Variants in PARD3B observed in about 807,000 individuals in gnomAD.
The protein encoded by PARD3B is partitioning defective 3 homolog B.
Under a neutral mutation model 130.2 loss-of-function variants are expected in PARD3B, and 103 were observed. The observed-to-expected ratio is 0.79, with a 90% CI of 0.67 to 0.93. PARD3B has a LOEUF of 0.93. Ranked by LOEUF, PARD3B falls within the 40% of genes least tolerant of loss-of-function variation. PARD3B has a pLI of 0.00. For synonymous variants in PARD3B, 583 were observed against 553.2 expected, an observed-to-expected ratio of 1.05 and a Z score of -0.76; for missense variants, 1,609 against 1,499.2, an observed-to-expected ratio of 1.07 and a Z score of -1.21.
In PARD3B at chr2:205,557,478, C is replaced by G. The variant is rs956084603; in HGVS notation, c.3260+4075C>G. On this transcript the variant is annotated intron_variant, in intron 22 of 22. Transcript: ENST00000406610. ...GCTCCTGCAGCTCAGAGTCCTGCAT[C>G]TTAGCTCACACACGCTTCCCAAGGG... 5.9e-5 allele frequency among the ~76,000 whole-genome samples: 9 copies of G among 152,186 alleles called. 1 individual carries two copies. Among genetic ancestry groups the G allele is most frequent in the African/African-American group, 1.4e-4 (6 of 41,456 alleles).
intron 2 of PARD3B, among the ~76,000 whole-genome samples, chr2:204,955,298 A>C (rs1690139786): frequency 6.6e-6 from 1 of 152,240 alleles, no homozygotes; most frequent in African/African-American, 2.4e-5. Flanking sequence ...TATGTAGTCC[A>C]CCAGGAGACA....
intron 21 of PARD3B, among the ~76,000 whole-genome samples, chr2:205,538,698 T>G (rs568374561): frequency 6.6e-6 from 1 of 152,186 alleles, no homozygotes; most frequent in Non-Finnish European, 1.5e-5. Context: ...GAAGCTTCCG[T>G]TAGCTCTGTA....
chr2:205,031,185 A>G (rs1697395589), intron 3 of PARD3B, among the ~76,000 whole-genome samples: 1 of 152,206 alleles, frequency 6.6e-6, no homozygotes, highest in Admixed American at 6.5e-5. Context: ...TCACTGGCAT[A>G]TCTGAGAATT....
intron 3 of PARD3B, among the ~76,000 whole-genome samples, chr2:204,996,236 T>C (rs1231780177): frequency 1.4e-5 from 2 of 144,908 alleles, no homozygotes; most frequent in African/African-American, 2.6e-5. Context: ...TCTTTGATGA[T>C]GGTGATGTAC....
intron 15 of PARD3B, among the ~76,000 whole-genome samples, chr2:205,199,790 C>T (rs1474204004): frequency 6.6e-6 from 1 of 152,066 alleles, no homozygotes; most frequent in East Asian, 1.9e-4. Flanking sequence ...AGACAATTTA[C>T]ATCCCTGTGC....
chr2:205,409,502 G>T (rs2046525032), intron 19 of PARD3B, among the ~76,000 whole-genome samples: 1 of 152,100 alleles, frequency 6.6e-6, no homozygotes, highest in Admixed American at 6.6e-5. Flanking sequence ...GCACATTACT[G>T]TATTTCTATA....
intron 1 of PARD3B, among the ~76,000 whole-genome samples, chr2:204,614,642 G>A (rs574625496): frequency 1.3e-5 from 2 of 152,272 alleles, no homozygotes; most frequent in East Asian, 1.9e-4. Context: ...GGTGGGGCCT[G>A]TTGGGGGATA....
intron 22 of PARD3B, among the ~76,000 whole-genome samples, chr2:205,579,820 CTTTT>C (rs1269139169): frequency 6.6e-6 from 1 of 152,126 alleles, no homozygotes; most frequent in Non-Finnish European, 1.5e-5. Flanking sequence ...CTGCACTATT[CTTTT>C]TTAATTTTTG....
At chr2:204,718,898 A>G (rs2038865207) in intron 2 of PARD3B, among the ~76,000 whole-genome samples, 1 of 152,188 alleles carries the variant, frequency 6.6e-6, no homozygotes, top group Non-Finnish European at 1.5e-5. Flanking sequence ...AGGTAATAAC[A>G]CATATATGTA....
At chr2:205,566,590 T>C (rs562499657) in intron 22 of PARD3B, among the ~76,000 whole-genome samples, 3 of 152,190 alleles carry the variant, frequency 2.0e-5, no homozygotes, top group South Asian at 4.2e-4. Flanking sequence ...CTTTGGGACA[T>C]GTTAGATTTG....
chr2:205,612,210 C>T (rs1310880063), intron 22 of PARD3B, among the ~76,000 whole-genome samples: 3 of 152,096 alleles, frequency 2.0e-5, no homozygotes, highest in South Asian at 2.1e-4. Flanking sequence ...TGGAGTGTAG[C>T]GGCACAATCT....
chr2:204,823,202 A>G (rs7588967), intron 2 of PARD3B, among the ~76,000 whole-genome samples: 2,163 of 152,244 alleles, frequency 0.014, 59 homozygotes, highest in African/African-American at 0.049. Flanking sequence ...AAGAACAAAG[A>G]AAAAGGGTGT....
chr2:205,104,077 T>G (rs1360043885), intron 4 of PARD3B, among the ~76,000 whole-genome samples: 1 of 152,178 alleles, frequency 6.6e-6, no homozygotes, highest in Admixed American at 6.5e-5. Context: ...GGCTAATATA[T>G]CACCATCTGT....
intron 1 of PARD3B, among the ~76,000 whole-genome samples, chr2:204,607,890 G>T (rs73984246): frequency 0.014 from 2,195 of 152,232 alleles, 67 homozygotes; most frequent in East Asian, 0.12. Flanking sequence ...CATGTAAATT[G>T]TAATCCTGTT....
At chr2:205,362,166 G>A (rs2044413573) in intron 18 of PARD3B, among the ~76,000 whole-genome samples, 1 of 152,134 alleles carries the variant, frequency 6.6e-6, no homozygotes. Flanking sequence ...AGTCACTGCT[G>A]ACTCAGATGT....
intron 2 of PARD3B, among the ~76,000 whole-genome samples, chr2:204,961,910 T>G (rs2125847541): frequency 6.6e-6 from 1 of 152,166 alleles, no homozygotes; most frequent in Admixed American, 6.6e-5. Flanking sequence ...AGTGGCTTCA[T>G]TAAAGAATGG....
intron 2 of PARD3B, among the ~76,000 whole-genome samples, chr2:204,805,992 C>T (rs2042754490): frequency 6.6e-6 from 1 of 151,860 alleles, no homozygotes; most frequent in Admixed American, 6.6e-5. Context: ...TTGAAGAGGA[C>T]ACAAAAAATG....
intron 2 of PARD3B, among the ~76,000 whole-genome samples, chr2:204,751,305 C>A (rs1301422229): frequency 2.0e-5 from 3 of 152,078 alleles, no homozygotes; most frequent in African/African-American, 7.2e-5. Flanking sequence ...GGGAGGTTTC[C>A]TTTAAAGAAA....
At position 205,281,963 on chromosome 2, in the gene PARD3B, G is replaced by T. The variant is rs1279923146; in HGVS notation, c.2186-18567G>T. 6.6e-6 allele frequency among the ~76,000 whole-genome samples: 1 copy of T among 152,066 alleles called. No individual in the cohort carries two copies. Among genetic ancestry groups the T allele is most frequent in the Non-Finnish European group, 1.5e-5 (1 of 67,986 alleles). ...CACATCAGTAGCTTTTGTTCACTTT[G>T]TTGAAAATTTCCCATTCGTTTTCTA... On this transcript the variant is annotated intron_variant, in intron 16 of 22. Transcript: ENST00000406610. This position sits in a 1 kb window ranked among gnomAD's most constrained non-coding sequence, Gnocchi z 4.2.
Sources: allele counts gnomAD v4.1 joint callset (sites outside exome capture counted in the v4.1 genomes callset), GRCh38; gene constraint gnomAD v4.1.1; non-coding constraint Gnocchi (gnomAD v3.1); transcripts MANE v1.5; gene names NCBI Gene and HGNC (gene_info 2026-07-23, HGNC 2026-07-21).